Variants in CARD10 observed in about 807,000 individuals in gnomAD.
CARD10 encodes the protein caspase recruitment domain family member 10.
CARD10 carries 49 observed loss-of-function variants against 114.6 expected under a neutral mutation model. The observed-to-expected ratio is 0.43, with a 90% confidence interval of 0.34 to 0.54. The LOEUF is 0.54. CARD10 is among the 20% of genes least tolerant of loss of function. The probability of loss-of-function intolerance (pLI) is 0.03; values close to 1 mark genes in which losing one functional copy is unlikely to be tolerated. For missense variants in CARD10, 1,206 were observed against 1,397.2 expected, an observed-to-expected ratio of 0.86 and a Z score of 2.18; for synonymous variants, 602 against 593.2, an observed-to-expected ratio of 1.01 and a Z score of -0.21.
rs201397783 is a variant in CARD10 at position 37,506,268 on chromosome 22, G to A, written c.1307C>T (p.Thr436Met). ...CTTGGTGCCCTCCAGGCTGGTGAGC[G>A]TTGTCAGCAGCTCATCCCGCTCCGC... The part of the protein sequence containing the change: ...LEAERDELLT[T>M]LTSLEGTKAL... Residue 436 changes from threonine (T) to methionine (M), a missense_variant, in exon 7 of 20, where the codon ACG becomes ATG. Thr to Met is a moderately conservative substitution (Grantham distance 81). Coordinates refer to ENST00000251973, the MANE Select transcript of CARD10 (RefSeq NM_014550.4). 158 of 1,609,018 alleles carry A rather than the reference G, an allele frequency of 9.8e-5. No individual in the cohort carries two copies. Among genetic ancestry groups the A allele is most frequent in the South Asian group, 1.6e-4 (14 of 89,590 alleles).
chr22:37,497,225 G>A (rs2145755826), intron 11 of CARD10, 47 bp from the exon 12 acceptor site: 1 of 1,566,244 alleles, frequency 6.4e-7, no homozygotes, highest in East Asian at 2.3e-5. Flanking sequence ...ATCAGTACTT[G>A]GATTCAGTTC....
intron 7 of CARD10, among the ~76,000 whole-genome samples, chr22:37,505,320 T>G (rs901205482): frequency 6.6e-6 from 1 of 151,862 alleles, no homozygotes; most frequent in African/African-American, 2.4e-5. Flanking sequence ...TTTCCTATAT[T>G]CCTCCAGGCC....
chr22:37,508,574 G>T lies in CARD10; in HGVS notation c.1018C>A (p.His340Asn). The T allele has an allele frequency of 6.3e-7, 1 of 1,596,876 alleles. No individual in the cohort carries two copies. Residue 340 changes from histidine (H) to asparagine (N), a missense_variant, in exon 5 of 20, where the codon CAT (histidine) becomes AAT (asparagine). Physicochemically the swap from His to Asn is moderately conservative, Grantham distance 68. This residue lies in a region of CARD10 where 1,068 missense variants were observed against 1,179.1 expected (regional missense o/e 0.91). Transcript: ENST00000251973. Reference sequence around the variant, plus strand: ...CACTGCAGCTCCCCCTGCACGGCATGCAGCTTCTGGCACAGCTCCTGCCTG... The same window carrying T: ...CACTGCAGCTCCCCCTGCACGGCATTCAGCTTCTGGCACAGCTCCTGCCTG... ...DSRQELCQKL[H>N]AVQGELQWAE...
At position 37,496,295 on chromosome 22, in the gene CARD10, G is replaced by A. The variant is rs1045280322; in HGVS notation, c.2059+154C>T. Among the ~76,000 whole-genome samples, 7 of 152,180 alleles carry A rather than the reference G, an allele frequency of 4.6e-5. No individual in the cohort carries two copies. The highest frequency in any genetic ancestry group is 1.7e-4 in the African/African-American group (7 of 41,436). The stretch of plus-strand genomic sequence containing the variant: ...GGCATAGAGAAAGGGCACAAGGACA[G>A]ACAGAAGGAGGCATCAGCAGGCGGG... On this transcript the variant is annotated intron_variant, in intron 13 of 19. Transcript: ENST00000251973. The surrounding 1 kb of genome is among the most constrained non-coding windows in gnomAD (Gnocchi z 4.1).
intron 3 of CARD10, among the ~76,000 whole-genome samples, chr22:37,512,896 T>C (rs1239259949): frequency 1.3e-5 from 2 of 152,058 alleles, no homozygotes; most frequent in African/African-American, 4.8e-5. Context: ...AAATAACAGC[T>C]CATTAAATTT....
intron 3 of CARD10, among the ~76,000 whole-genome samples, chr22:37,511,038 C>T (rs1035619347): frequency 2.7e-5 from 4 of 146,766 alleles, no homozygotes; most frequent in Non-Finnish European, 4.4e-5. Flanking sequence ...GCCAAGATTG[C>T]GCCGCTACAC....
chr22:37,502,121 T>C (rs967861744), intron 11 of CARD10, among the ~76,000 whole-genome samples: 2 of 152,224 alleles, frequency 1.3e-5, no homozygotes, highest in South Asian at 2.1e-4. Context: ...ACTCCTGTTA[T>C]GGACCTGTGG....
intron 11 of CARD10, among the ~76,000 whole-genome samples, chr22:37,498,557 G>A (rs565006325): frequency 1.3e-5 from 2 of 152,302 alleles, no homozygotes; most frequent in East Asian, 3.9e-4. Context: ...CCTGGGGAGG[G>A]CGCGGCTGCA....
chr22:37,495,629 C>G lies in CARD10; in HGVS notation c.2304-43G>C, dbSNP rs377303142. The G allele has an allele frequency of 2.6e-5, 42 of 1,609,214 alleles. No individual in the cohort carries two copies. The African/African-American group carries it at 4.7e-4, about 18-fold the overall frequency. On this transcript the variant is annotated intron_variant, in intron 14 of 19. Transcript: ENST00000251973. Reference sequence around the variant, plus strand: ...ATCATGTGTGTAGAAAGAAGGAAAGCTCCTCATTTCTCCTCGAACCCCCCG... The same window carrying G: ...ATCATGTGTGTAGAAAGAAGGAAAGGTCCTCATTTCTCCTCGAACCCCCCG...
In CARD10 at chr22:37,503,211, G is replaced by C; in HGVS notation, c.1637C>G (p.Ser546Cys). 2 of 1,611,264 alleles carry C rather than the reference G, an allele frequency of 1.2e-6. No individual in the cohort carries two copies. Among genetic ancestry groups the C allele is most frequent in the Non-Finnish European group, 1.7e-6 (2 of 1,178,836 alleles). Residue 546 changes from serine (S) to cysteine (C), a missense_variant and splice_region_variant, in exon 10 of 20, where the codon TCC becomes TGC. Transcript: ENST00000251973. ...TGTGATGTCTGACATGCTGCTGAAG[G>C]ATCTGGGCAGAGAGAGGGCAGGGAG... Reference protein sequence around the residue: ...REEDPAPPKRSFSSMSDITGS... With the variant: ...REEDPAPPKRCFSSMSDITGS...
At chr22:37,505,905 C>G (rs1923388507) in intron 7 of CARD10, among the ~76,000 whole-genome samples, 1 of 152,170 alleles carries the variant, frequency 6.6e-6, no homozygotes, top group African/African-American at 2.4e-5. Flanking sequence ...AGGCAGCCAG[C>G]CTTCCCCAGT....
At chr22:37,518,789 C>T (rs2145779398) in intron 1 of CARD10, among the ~76,000 whole-genome samples, 177 bp downstream of exon 1, 1 of 152,338 alleles carries the variant, frequency 6.6e-6, no homozygotes, top group East Asian at 1.9e-4. Context: ...ACCGCCAAGG[C>T]GCAGTGGTGG....
At position 37,492,005 on chromosome 22, in the gene CARD10, G is replaced by A. The variant is rs532109210; in HGVS notation, c.2752-138C>T. On this transcript the variant is annotated intron_variant, in intron 18 of 19. Transcript: ENST00000251973. This position sits in a 1 kb window ranked among gnomAD's most constrained non-coding sequence, Gnocchi z 5.7. ...CCCCACCCAGAGGGACCCTGGCAAC[G>A]AGGAAGGAGCCCAAAAGTACAGACA... 3.8e-5 allele frequency: 25 copies of A among 652,346 alleles called. No individual in the cohort carries two copies. Among genetic ancestry groups the A allele is most frequent in the African/African-American group, 2.0e-4 (11 of 55,814 alleles). The allele number at this position is 652,346 out of a possible 1,614,324, so 40.4% of individuals were successfully genotyped here. A position where few individuals can be genotyped will look rare whatever the true frequency, so the allele number is the denominator to read the frequency against.
intron 16 of CARD10, among the ~76,000 whole-genome samples, chr22:37,493,264 C>T (rs1481088150): frequency 6.6e-6 from 1 of 152,208 alleles, no homozygotes; most frequent in Non-Finnish European, 1.5e-5. Context: ...AAAGCCCCAG[C>T]CCTGCACCAC....
chr22:37,516,382 C>T, intron 2 of CARD10, 84 bp from the exon 3 acceptor site: 1 of 985,038 alleles, frequency 1.0e-6, no homozygotes, highest in Non-Finnish European at 1.4e-6. Context: ...AAAACTCAAA[C>T]CATAAAAACA....
intron 3 of CARD10, chr22:37,510,693 C>G (rs1004389246): frequency 6.5e-6 from 3 of 464,352 alleles, no homozygotes; most frequent in Non-Finnish European, 1.2e-5. Context: ...TGCTGCATCA[C>G]GACACGCTGT....
Position 37,497,048 on chromosome 22 carries a change from GCCCAGACAGCACCCTGCGCACCACAGC to G in CARD10, c.1891_1917del (p.Ala631_Gly639del), listed in dbSNP as rs756072948. On this transcript the variant is annotated inframe_deletion, in exon 12 of 20. Transcript: ENST00000251973. ...CTTGGTTCCATCCTGGCGGACCCAG[GCCCAGACAGCACCCTGCGCACCACAGC>G]CCCAGACCATCTGTCCCCATAAAAC... 2.4e-5 allele frequency: 38 copies of G among 1,613,974 alleles called. No individual in the cohort carries two copies. In the South Asian group the frequency reaches 3.1e-4, roughly 13 times the overall value.
At position 37,492,459 on chromosome 22, in the gene CARD10, C is replaced by T. The variant is rs756065275; in HGVS notation, c.2727G>A (p.Arg909=). Residue 909 remains arginine (R), a synonymous_variant, in exon 18 of 20, where the codon CGG becomes CGA. Coordinates refer to ENST00000251973, the MANE Select transcript of CARD10 (RefSeq NM_014550.4). This position sits in a 1 kb window ranked among gnomAD's most constrained non-coding sequence, Gnocchi z 5.7. ...PATPGLGSRI[R]AIQESVGKKH... is the part of the protein sequence containing the mutation. The stretch of plus-strand genomic sequence containing the variant: ...CCTTCCCAACAGACTCCTGGATGGC[C>T]CGGATCCTGCTGCCTAGCCCAGGGG... The T allele has an allele frequency of 8.2e-6, 13 of 1,591,126 alleles. No homozygotes were observed. The South Asian group carries it at 1.4e-4, about 17-fold the overall frequency.
chr22:37,502,434 G>A (rs1923247884), intron 11 of CARD10, among the ~76,000 whole-genome samples, 168 bp downstream of exon 11: 1 of 152,210 alleles, frequency 6.6e-6, no homozygotes, highest in Admixed American at 6.5e-5. Flanking sequence ...TCACAGGGAC[G>A]ATCAAGAGCG....
Sources: allele counts gnomAD v4.1 joint callset (sites outside exome capture counted in the v4.1 genomes callset), GRCh38; gene constraint gnomAD v4.1.1; regional missense constraint gnomAD v4.1.1; non-coding constraint Gnocchi (gnomAD v3.1); transcripts MANE v1.5; gene names NCBI Gene and HGNC (gene_info 2026-07-23, HGNC 2026-07-21).